Variants in TAAR5 observed in about 807,000 individuals in gnomAD.
TAAR5 encodes trace amine-associated receptor 5.
A neutral mutation model predicts 21.1 loss-of-function variants in TAAR5; 27 were observed. The observed-to-expected ratio is 1.28, with a 90% confidence interval of 0.94 to 1.76. The LOEUF (loss-of-function observed/expected upper bound fraction) is 1.76, where lower values mean the gene tolerates loss of function less well. Ranked by LOEUF, TAAR5 falls within the 40% of genes most tolerant of loss-of-function variation. The probability of loss-of-function intolerance (pLI) is 0.00; values close to 1 mark genes in which losing one functional copy is unlikely to be tolerated. For missense variants in TAAR5, 495 were observed against 405.6 expected, an observed-to-expected ratio of 1.22 and a Z score of -1.89; for synonymous variants, 203 against 167.5, an observed-to-expected ratio of 1.21 and a Z score of -1.64.
In TAAR5 at chr6:132,589,644, C is replaced by T; in HGVS notation, c.43G>A (p.Ala15Thr). ...GACCCATTCACCTGGTAGCAGAATG[C>T]CGCAGGGTGCTCTTCAGCACCTTGG... ...FIQGAEEHPA[A>T]FCYQVNGSCP... Residue 15 changes from alanine (A) to threonine (T), a missense_variant, in exon 1 of 1, where the codon GCA (alanine) becomes ACA (threonine). Transcript: ENST00000258034. The T allele has an allele frequency of 1.2e-6, 2 of 1,605,564 alleles. No individual in the cohort carries two copies. Among genetic ancestry groups the T allele is most frequent in the African/African-American group, 1.4e-5 (1 of 73,550 alleles).
chr6:132,601,111 G>A, the TAAR5 span, among the ~76,000 whole-genome samples: 18 of 29,928 alleles, frequency 6.0e-4, no homozygotes, highest in African/African-American at 2.5e-3. Context: ...GAGGGAAGAA[G>A]GGAAGGAGGG....
chr6:132,613,066 T>C, the TAAR5 span, among the ~76,000 whole-genome samples: 1 of 152,140 alleles, frequency 6.6e-6, no homozygotes, highest in African/African-American at 2.4e-5. Context: ...CCTATACACA[T>C]AAGGGAAAAT....
chr6:132,599,357 T>C, the TAAR5 span, among the ~76,000 whole-genome samples: 3 of 134,312 alleles, frequency 2.2e-5, no homozygotes, highest in African/African-American at 8.6e-5. Context: ...TTTGACGGAG[T>C]CCCGCTCTGT....
the TAAR5 span, among the ~76,000 whole-genome samples, chr6:132,605,599 G>A: frequency 1.3e-5 from 2 of 151,792 alleles, no homozygotes; most frequent in Non-Finnish European, 2.9e-5. Flanking sequence ...GTAATGCATG[G>A]GCACACACAC....
chr6:132,608,362 G>A, the TAAR5 span: 2 of 455,940 alleles, frequency 4.4e-6, no homozygotes, highest in Middle Eastern at 3.3e-4. Flanking sequence ...ATGAATAAGA[G>A]GGTTGCAAGT....
the TAAR5 span, among the ~76,000 whole-genome samples, chr6:132,600,639 T>G: frequency 1.3e-5 from 2 of 152,094 alleles, no homozygotes; most frequent in African/African-American, 4.8e-5. Context: ...AAAGACATGA[T>G]CTTTCCTTGA....
chr6:132,599,581 C>T, the TAAR5 span, among the ~76,000 whole-genome samples: 138 of 151,754 alleles, frequency 9.1e-4, no homozygotes, highest in East Asian at 0.01. Flanking sequence ...CACCTGCATC[C>T]GCCTCCCAAA....
Position 132,589,542 on chromosome 6 carries a change from C to T in TAAR5, c.145G>A (p.Val49Met), listed in dbSNP as rs763077527. The T allele has an allele frequency of 5.6e-5, 90 of 1,613,908 alleles. 1 individual carries two copies. The South Asian group carries it at 6.9e-4, about 12-fold the overall frequency. The stretch of plus-strand genomic sequence containing the variant: ...AATGCCACAAATACATTCCCTAGCA[C>T]GATAATCAGCATGCCTGCTGCACAG... ...LACAAGMLII[V>M]LGNVFVAFAV... The change falls in exon 1 of 1, where the codon GTG (valine) becomes ATG (methionine). Residue 49 changes from valine to methionine, a missense_variant. By Grantham distance (21) the Val-to-Met change is conservative. Transcript: ENST00000258034.
chr6:132,611,371 C>T, the TAAR5 span, among the ~76,000 whole-genome samples: 2 of 151,272 alleles, frequency 1.3e-5, no homozygotes, highest in African/African-American at 4.9e-5. Context: ...TATTAAGTAG[C>T]ACATTAGGGT....
the TAAR5 span, among the ~76,000 whole-genome samples, chr6:132,597,051 A>C: frequency 1.3e-5 from 2 of 152,096 alleles, no homozygotes; most frequent in African/African-American, 2.4e-5. Flanking sequence ...CCCATACAAA[A>C]TTTTACATTT....
the TAAR5 span, among the ~76,000 whole-genome samples, chr6:132,616,118 C>T: frequency 6.6e-6 from 1 of 151,990 alleles, no homozygotes; most frequent in East Asian, 1.9e-4. Flanking sequence ...AGGTTAAAAT[C>T]ACTCATAAGG....
At chr6:132,599,036 T>C in the TAAR5 span, among the ~76,000 whole-genome samples, 1 of 152,198 alleles carries the variant, frequency 6.6e-6, no homozygotes, top group East Asian at 1.9e-4. Context: ...GTCAGTGATA[T>C]TCCTTCATAC....
At chr6:132,611,288 T>C in the TAAR5 span, among the ~76,000 whole-genome samples, 1 of 148,914 alleles carries the variant, frequency 6.7e-6, no homozygotes, top group Non-Finnish European at 1.5e-5. Context: ...GAAAGGATAG[T>C]GGGGAGAGGG....
the TAAR5 span, chr6:132,609,176 A>T: frequency 2.7e-6 from 1 of 365,808 alleles, no homozygotes; most frequent in Non-Finnish European, 5.4e-6. Context: ...AACCGAATAC[A>T]TTATCACCTG....
the TAAR5 span, among the ~76,000 whole-genome samples, chr6:132,609,463 T>C: frequency 6.6e-6 from 1 of 152,254 alleles, no homozygotes; most frequent in African/African-American, 2.4e-5. Context: ...CTTTCTGAGT[T>C]ACTTGGTACG....
At chr6:132,608,493 C>A in the TAAR5 span, 2 of 455,830 alleles carry the variant, frequency 4.4e-6, no homozygotes, top group Admixed American at 2.4e-5. Context: ...GAAACACCCC[C>A]ATTACTATAC....
At chr6:132,601,846 A>C in the TAAR5 span, among the ~76,000 whole-genome samples, 1 of 152,218 alleles carries the variant, frequency 6.6e-6, no homozygotes, top group African/African-American at 2.4e-5. Context: ...TGTACATACA[A>C]GATTGTTTAC....
chr6:132,589,742 CAAAA>C (rs567338856), upstream of TAAR5: 639 of 60,470 alleles, frequency 0.011, 1 homozygote, highest in Non-Finnish European at 0.014. Flanking sequence ...CACTGGAGGG[CAAAA>C]AAAAAAAAAA....
the TAAR5 span, among the ~76,000 whole-genome samples, chr6:132,605,393 G>C: frequency 1.3e-5 from 2 of 152,166 alleles, no homozygotes; most frequent in Admixed American, 6.6e-5. Context: ...CACAGATTCC[G>C]TATAACCTTA....
Sources: gnomAD v4.1 joint callset for allele counts (sites outside exome capture counted in the v4.1 genomes callset) on GRCh38, gnomAD v4.1.1 for gene constraint, MANE v1.5 for transcripts, NCBI Gene and HGNC (gene_info 2026-07-23, HGNC 2026-07-21) for gene names.